The following CCDC85C variants were observed in gnomAD, a reference collection of about 807,000 sequenced individuals.
CCDC85C encodes the protein coiled-coil domain-containing protein 85C.
Under a neutral mutation model 38.3 loss-of-function variants are expected in CCDC85C, and 18 were observed. That is an observed-to-expected ratio of 0.47 (90% CI 0.33 to 0.70). The LOEUF (loss-of-function observed/expected upper bound fraction) is 0.70, where lower values mean the gene tolerates loss of function less well. Among genes scored for constraint, CCDC85C ranks in the 30% least tolerant of loss-of-function variants. The pLI, the probability that CCDC85C is intolerant of heterozygous loss-of-function variation, is 0.03. For synonymous variants in CCDC85C, 264 were observed against 293.8 expected, an observed-to-expected ratio of 0.90 and a Z score of 1.04; for missense variants, 566 against 621.2, an observed-to-expected ratio of 0.91 and a Z score of 0.94.
chr14:99,602,962 C>T (rs1009537890), intron 1 of CCDC85C, among the ~76,000 whole-genome samples: 7 of 152,330 alleles, frequency 4.6e-5, no homozygotes, highest in African/African-American at 1.4e-4. Flanking sequence ...CAAAAAGACG[C>T]TCCACCACTG....
In CCDC85C at chr14:99,510,702, C is replaced by A; in HGVS notation, c.*4544G>T. ...ACCTCCTGCCGTCCCCCCTGGAGGA[C>A]AGCCTCCTGTGCCCCCGCCCATTCC... On this transcript the variant is annotated 3_prime_UTR_variant, in exon 6 of 6. Coordinates refer to ENST00000380243, the MANE Select transcript of CCDC85C (RefSeq NM_001144995.2). 1 of 1,430,564 alleles carries A rather than the reference C, an allele frequency of 7.0e-7. No individual in the cohort carries two copies. Among genetic ancestry groups the A allele is most frequent in the Non-Finnish European group, 9.2e-7 (1 of 1,090,918 alleles). The allele number at this position is 1,430,564 out of a possible 1,614,324, so 88.6% of individuals were successfully genotyped here.
rs1246069649 is a variant in CCDC85C at position 99,520,427 on chromosome 14, G to A, written c.975+1706C>T. Reference sequence around the variant, plus strand: ...CCCCACTCCTGGGGGCCTGCCCGCCGACCAGCCCCGATCACGGCCCCTGCA... The same window carrying A: ...CCCCACTCCTGGGGGCCTGCCCGCCAACCAGCCCCGATCACGGCCCCTGCA... On this transcript the variant is annotated intron_variant, in intron 3 of 5. Transcript: ENST00000380243. This position sits in a 1 kb window ranked among gnomAD's most constrained non-coding sequence, Gnocchi z 4.1. Among the ~76,000 whole-genome samples the A allele has an allele frequency of 2.7e-5, 4 of 148,698 alleles. No homozygotes were observed. Among genetic ancestry groups the A allele is most frequent in the Admixed American group, 1.3e-4 (2 of 14,898 alleles).
rs1478639038 is a variant in CCDC85C at position 99,520,077 on chromosome 14, A to G, written c.975+2056T>C. Among the ~76,000 whole-genome samples the G allele has an allele frequency of 6.6e-6, 1 of 152,140 alleles. No homozygotes were observed. Among genetic ancestry groups the G allele is most frequent in the Non-Finnish European group, 1.5e-5 (1 of 67,988 alleles). ...CCCTGACAGCCAGTGGATGGAGGGT[A>G]TGGGCAGCAGTGGGCAGGGAGGGGG... On this transcript the variant is annotated intron_variant, in intron 3 of 5. Transcript: ENST00000380243. The surrounding 1 kb of genome is among the most constrained non-coding windows in gnomAD (Gnocchi z 4.1).
At chr14:99,534,943 C>T (rs1255569600) in intron 2 of CCDC85C, 1 of 562,074 alleles carries the variant, frequency 1.8e-6, no homozygotes, top group African/African-American at 1.9e-5. Context: ...GAGGAGAGTT[C>T]ACAAGAGGCC....
At chr14:99,575,879 G>C (rs1279836188) in intron 1 of CCDC85C, among the ~76,000 whole-genome samples, 1 of 152,232 alleles carries the variant, frequency 6.6e-6, no homozygotes, top group Non-Finnish European at 1.5e-5. Context: ...CAGACCGCCT[G>C]TGGTTCACAG....
chr14:99,556,005 AG>A (rs1283911458), intron 1 of CCDC85C, among the ~76,000 whole-genome samples: 1 of 152,270 alleles, frequency 6.6e-6, no homozygotes, highest in Non-Finnish European at 1.5e-5. Flanking sequence ...CTTCTACCAA[AG>A]AACCGGTCTG....
At chr14:99,546,066 G>T (rs369289775) in intron 1 of CCDC85C, among the ~76,000 whole-genome samples, 3 of 151,866 alleles carry the variant, frequency 2.0e-5, no homozygotes, top group Non-Finnish European at 2.9e-5. Flanking sequence ...ATGGGGGGGG[G>T]GAATAAACAA....
rs1897155251 is a variant in CCDC85C at position 99,512,567 on chromosome 14, C to T, written c.*2679G>A. On this transcript the variant is annotated 3_prime_UTR_variant, in exon 6 of 6. Coordinates refer to ENST00000380243, the MANE Select transcript of CCDC85C (RefSeq NM_001144995.2). ...AAGGTGCCACCCTACAAAATGTGCT[C>T]AGCATGTTCTGAGGCCAGGATGGGC... The T allele has an allele frequency of 6.6e-6, 1 of 152,192 alleles. No individual in the cohort carries two copies. Among genetic ancestry groups the T allele is most frequent in the Admixed American group, 6.5e-5 (1 of 15,280 alleles). 9.4% of individuals were successfully genotyped at this position (152,192 alleles called of 1,614,324 possible).
intron 2 of CCDC85C, among the ~76,000 whole-genome samples, chr14:99,528,362 G>A (rs1897428711): frequency 6.6e-6 from 1 of 152,220 alleles, no homozygotes; most frequent in Non-Finnish European, 1.5e-5. Flanking sequence ...CAGGACCTCA[G>A]CTGAGCCGGA....
At chr14:99,593,246 C>T (rs958326343) in intron 1 of CCDC85C, among the ~76,000 whole-genome samples, 13 of 152,258 alleles carry the variant, frequency 8.5e-5, no homozygotes, top group Admixed American at 2.6e-4. Context: ...CTCCTTCTTG[C>T]CTTACAACCT....
At chr14:99,577,868 T>C (rs1315502192) in intron 1 of CCDC85C, among the ~76,000 whole-genome samples, 9 of 145,448 alleles carry the variant, frequency 6.2e-5, no homozygotes, top group South Asian at 2.2e-4. Flanking sequence ...TGTGTGTGTG[T>C]GCGTGTGCAC....
In CCDC85C at chr14:99,501,731, T is replaced by TC. The variant is rs1171458320; in HGVS notation, c.*13514dup. ...CCATTTGGTTTTGCAAAAATATACT[T>TC]CCTGGTATAGTTTTAGAGCCTTAAC... On this transcript the variant is annotated 3_prime_UTR_variant, in exon 6 of 6. Transcript: ENST00000380243. 6.2e-6 allele frequency: 2 copies of TC among 322,080 alleles called. No homozygotes were observed. The highest frequency in any genetic ancestry group is 1.1e-5 in the Non-Finnish European group (2 of 176,566). 20.0% of individuals were successfully genotyped at this position (322,080 alleles called of 1,614,324 possible).
chr14:99,537,115 A>G (rs118132613), intron 1 of CCDC85C, among the ~76,000 whole-genome samples: 4,292 of 152,280 alleles, frequency 0.028, 112 homozygotes, highest in Non-Finnish European at 0.039. Context: ...GGGATGGGTT[A>G]TTAACATCTC....
intron 2 of CCDC85C, among the ~76,000 whole-genome samples, chr14:99,530,214 T>C (rs1026351739): frequency 3.3e-5 from 5 of 152,152 alleles, no homozygotes; most frequent in Non-Finnish European, 7.4e-5. Flanking sequence ...AGACTGACCA[T>C]CTGTTCATTG....
rs1202731957 is a variant in CCDC85C at position 99,509,838 on chromosome 14, T to C, written c.*5408A>G. The C allele has an allele frequency of 1.7e-5, 7 of 413,312 alleles. No homozygotes were observed. The highest frequency in any genetic ancestry group is 4.3e-6 in the Non-Finnish European group (1 of 231,440). 25.6% of individuals were successfully genotyped at this position (413,312 alleles called of 1,614,324 possible). On this transcript the variant is annotated 3_prime_UTR_variant, in exon 6 of 6. Transcript: ENST00000380243. ...AAAAACAGAGGAGCCCCCACACGTT[T>C]TGCACTAGGAAGAGGGGGCTGGGGC... is the stretch of plus-strand genomic sequence containing the variant.
At chr14:99,589,901 C>G (rs2055067611) in intron 1 of CCDC85C, among the ~76,000 whole-genome samples, 1 of 152,254 alleles carries the variant, frequency 6.6e-6, no homozygotes, top group Non-Finnish European at 1.5e-5. Flanking sequence ...CCACCGCAGC[C>G]ACGCCCACGG....
At chr14:99,561,887 A>G (rs1375681411) in intron 1 of CCDC85C, among the ~76,000 whole-genome samples, 1 of 152,070 alleles carries the variant, frequency 6.6e-6, no homozygotes. Flanking sequence ...ACGAAACTCC[A>G]CTCAGTAGGG....
rs946825521 is a variant in CCDC85C, at chr14:99,500,438, A to G, written c.*14808T>C. 1.0e-4 allele frequency: 19 copies of G among 186,214 alleles called. No homozygotes were observed. Among genetic ancestry groups the G allele is most frequent in the Non-Finnish European group, 1.1e-5 (1 of 90,912 alleles). 11.5% of individuals were successfully genotyped at this position (186,214 alleles called of 1,614,324 possible). ...ATTTGAGGTCTTGAAAGAAATTACAATTTAGTCAAATTATCAATAACGTAA... is the reference window on the plus strand; with the variant it reads ...ATTTGAGGTCTTGAAAGAAATTACAGTTTAGTCAAATTATCAATAACGTAA... On this transcript the variant is annotated 3_prime_UTR_variant, in exon 6 of 6. Coordinates refer to ENST00000380243, the MANE Select transcript of CCDC85C (RefSeq NM_001144995.2).
chr14:99,561,643 T>C (rs8015109), intron 1 of CCDC85C, among the ~76,000 whole-genome samples: 85,995 of 152,016 alleles, frequency 0.57, 25,041 homozygotes, highest in African/African-American at 0.71. Flanking sequence ...ACCCTCCATT[T>C]CTCAGTCTGC....
Sources: gnomAD v4.1 joint callset for allele counts (sites outside exome capture counted in the v4.1 genomes callset) on GRCh38, gnomAD v4.1.1 for gene constraint, Gnocchi (gnomAD v3.1) non-coding constraint, MANE v1.5 for transcripts, NCBI Gene and HGNC (gene_info 2026-07-23, HGNC 2026-07-21) for gene names.